Variants in TRPC5 observed in about 807,000 individuals in gnomAD.
TRPC5 encodes transient receptor potential cation channel subfamily C member 5.
TRPC5 carries 9 observed loss-of-function variants against 56.5 expected under a neutral mutation model. That is an observed-to-expected ratio of 0.16 (90% CI 0.10 to 0.28). TRPC5 has a LOEUF of 0.28. TRPC5 is among the 10% of genes least tolerant of loss of function. The pLI is 1.00. For missense variants in TRPC5, 469 were observed against 748.9 expected (o/e 0.63, Z 4.36); for synonymous variants, 282 against 278.5 (o/e 1.01, Z -0.13).
chrX:111,900,560 G>A (rs1404659919), intron 3 of TRPC5, among the ~76,000 whole-genome samples: 1 of 111,343 alleles, frequency 9.0e-6, no homozygotes, highest in Non-Finnish European at 1.9e-5. Flanking sequence ...AATCTATTTG[G>A]AATGAGAGGG....
chrX:112,035,596 G>T (rs899904090), intron 1 of TRPC5, among the ~76,000 whole-genome samples: 1 of 109,829 alleles, frequency 9.1e-6, no homozygotes, highest in Non-Finnish European at 1.9e-5. Context: ...ATATATCTTT[G>T]ATTATTATCT....
At chrX:111,960,223 G>A (rs1208691322) in intron 1 of TRPC5, among the ~76,000 whole-genome samples, 1 of 111,717 alleles carries the variant, frequency 9.0e-6, no homozygotes, top group Non-Finnish European at 1.9e-5. Flanking sequence ...TAATACAGGG[G>A]ACTCTTTCAA....
At chrX:111,922,616 C>T (rs1209377794) in intron 2 of TRPC5, among the ~76,000 whole-genome samples, 2 of 112,210 alleles carry the variant, frequency 1.8e-5, no homozygotes, top group South Asian at 3.7e-4. Flanking sequence ...GTATGTGTTA[C>T]TTTGGAGCAA....
At chrX:111,967,107 C>G (rs1198273477) in intron 1 of TRPC5, among the ~76,000 whole-genome samples, 1 of 111,612 alleles carries the variant, frequency 9.0e-6, no homozygotes, top group South Asian at 3.8e-4. Flanking sequence ...AATCTCCTTA[C>G]ACTGATAAGC....
At chrX:111,864,072 C>T (rs756645266) in intron 3 of TRPC5, among the ~76,000 whole-genome samples, 2 of 111,009 alleles carry the variant, frequency 1.8e-5, no homozygotes, top group East Asian at 2.9e-4. Context: ...CTGCAAGCTC[C>T]GCCTCCCAGG....
chrX:111,842,132 G>C (rs6642952), intron 6 of TRPC5, among the ~76,000 whole-genome samples: 1 of 77,201 alleles, frequency 1.3e-5, no homozygotes, highest in African/African-American at 1.2e-4. Context: ...ATATATATAT[G>C]TATATATATA....
intron 8 of TRPC5, among the ~76,000 whole-genome samples, chrX:111,781,502 G>A (rs906696633): frequency 1.8e-5 from 2 of 111,842 alleles, no homozygotes; most frequent in African/African-American, 6.5e-5. Flanking sequence ...AAGGCAGGAG[G>A]ATCACGAGGT....
chrX:111,968,234 T>C, intron 1 of TRPC5, among the ~76,000 whole-genome samples: 2 of 111,242 alleles, frequency 1.8e-5, no homozygotes, highest in Middle Eastern at 9.3e-3. Flanking sequence ...ATGCTCATCA[T>C]CACTGGCCAT....
chrX:111,934,388 T>C (rs985119583), intron 2 of TRPC5, among the ~76,000 whole-genome samples: 1 of 110,868 alleles, frequency 9.0e-6, no homozygotes, highest in Non-Finnish European at 1.9e-5. Context: ...TGAGATACAT[T>C]GATACAAGCA....
chrX:111,931,698 G>A (rs945495012), intron 2 of TRPC5, among the ~76,000 whole-genome samples: 1 of 111,772 alleles, frequency 8.9e-6, no homozygotes. Flanking sequence ...ATTCTTATAT[G>A]AATAATAGAG....
chrX:112,040,689 T>A (rs1366526781), intron 1 of TRPC5, among the ~76,000 whole-genome samples: 1 of 111,624 alleles, frequency 9.0e-6, no homozygotes, highest in African/African-American at 3.3e-5. Context: ...AGACATGGGT[T>A]CTAGGCCAAT....
At chrX:111,841,412 A>G (rs916026258) in intron 6 of TRPC5, among the ~76,000 whole-genome samples, 8 of 111,680 alleles carry the variant, frequency 7.2e-5, no homozygotes, top group African/African-American at 2.6e-4. Flanking sequence ...GCTACTTACC[A>G]TCTATGCAAC....
At position 112,035,483 on chromosome X, in the gene TRPC5, C is replaced by T. The variant is rs1929711798; in HGVS notation, c.-22+46396G>A. The stretch of plus-strand genomic sequence containing the variant: ...TATATATATATATATATGTTTTGCA[C>T]ATACTTAGAGAAGCATATGGTTTGG... On this transcript the variant is annotated intron_variant, in intron 1 of 10. Transcript: ENST00000262839. 2.8e-5 allele frequency among the ~76,000 whole-genome samples: 3 copies of T among 109,068 alleles called. No individual in the cohort carries two copies. The South Asian group carries it at 1.2e-3, about 43-fold the overall frequency. The allele number at this position is 109,068 out of a possible 115,157, so 94.7% of individuals were successfully genotyped here. A position where few individuals can be genotyped will look rare whatever the true frequency, so the allele number is the denominator to read the frequency against.
intron 2 of TRPC5, among the ~76,000 whole-genome samples, chrX:111,928,785 C>T (rs1440713655): frequency 1.8e-5 from 2 of 112,179 alleles, no homozygotes; most frequent in Non-Finnish European, 3.8e-5. Context: ...AGGGAAACAT[C>T]GGCTGTCTTG....
intron 1 of TRPC5, among the ~76,000 whole-genome samples, chrX:111,964,567 C>T (rs1443913841): frequency 8.9e-6 from 1 of 111,753 alleles, no homozygotes; most frequent in African/African-American, 3.3e-5. Flanking sequence ...TTAAGGGCAG[C>T]GAGAGAGAAA....
intron 1 of TRPC5, among the ~76,000 whole-genome samples, chrX:111,993,354 A>G (rs1332315326): frequency 1.8e-5 from 2 of 112,110 alleles, no homozygotes; most frequent in African/African-American, 6.5e-5. Flanking sequence ...TAGTGCCACA[A>G]TAAACATATG....
rs773648249 is a variant in TRPC5 at position 111,921,289 on chromosome X, A to G, written c.379-8477T>C. ...AGTGAATGGGTATGGCTGTGCTCCAATAAATTTTATTTATAAAAACAGTTG... is the reference window on the plus strand; with the variant it reads ...AGTGAATGGGTATGGCTGTGCTCCAGTAAATTTTATTTATAAAAACAGTTG... On this transcript the variant is annotated intron_variant, in intron 2 of 10. Coordinates refer to ENST00000262839, the MANE Select transcript of TRPC5 (RefSeq NM_012471.3). 5.4e-5 allele frequency among the ~76,000 whole-genome samples: 6 copies of G among 111,684 alleles called. No individual in the cohort carries two copies. The East Asian group carries it at 1.1e-3, about 21-fold the overall frequency.
chrX:111,943,641 G>T (rs767923786), intron 2 of TRPC5, among the ~76,000 whole-genome samples: 1 of 112,307 alleles, frequency 8.9e-6, no homozygotes, highest in East Asian at 2.8e-4. Context: ...TTGCATTGAC[G>T]CAAGTGACCA....
At chrX:111,936,050 A>G (rs1926563190) in intron 2 of TRPC5, among the ~76,000 whole-genome samples, 1 of 112,085 alleles carries the variant, frequency 8.9e-6, no homozygotes, top group Non-Finnish European at 1.9e-5. Context: ...ATTGGGCAGT[A>G]TGTACATTTT....
Sources: gnomAD v4.1 joint callset for allele counts (sites outside exome capture counted in the v4.1 genomes callset) on GRCh38, gnomAD v4.1.1 for gene constraint, MANE v1.5 for transcripts, NCBI Gene and HGNC (gene_info 2026-07-23, HGNC 2026-07-21) for gene names.